SDK1: variants seen among roughly 807,000 people sequenced by gnomAD.
SDK1 encodes the protein sidekick cell adhesion molecule 1.
In SDK1, 157 loss-of-function variants were observed where a neutral mutation model predicts 245.5. That is an observed-to-expected ratio of 0.64 (90% CI 0.56 to 0.73). The LOEUF is 0.73. SDK1 is among the 30% of genes least tolerant of loss of function. The pLI is 0.00. For missense variants in SDK1, 3,583 were observed against 3,002.3 expected, an observed-to-expected ratio of 1.19 and a Z score of -4.52; for synonymous variants, 1,647 against 1,278.5, an observed-to-expected ratio of 1.29 and a Z score of -6.15.
chr7:4,138,033 G>A (rs904924905), intron 28 of SDK1, among the ~76,000 whole-genome samples: 8 of 152,172 alleles, frequency 5.3e-5, no homozygotes, highest in African/African-American at 1.7e-4. Flanking sequence ...GTGGTGTGGC[G>A]ACCAGCTGAT....
intron 1 of SDK1, among the ~76,000 whole-genome samples, chr7:3,438,847 A>ATGTTTT (rs1562486729): frequency 9.1e-6 from 1 of 110,114 alleles, no homozygotes; most frequent in African/African-American, 3.9e-5. Flanking sequence ...CTTTGTATTA[A>ATGTTTT]TATTTTTTTT....
intron 4 of SDK1, among the ~76,000 whole-genome samples, chr7:3,806,655 C>T (rs149068974): frequency 4.5e-4 from 68 of 151,808 alleles, no homozygotes; most frequent in African/African-American, 1.4e-3. Flanking sequence ...AGAAATGTGA[C>T]GAGGACTAAG....
At chr7:3,699,863 A>C (rs1168123493) in intron 4 of SDK1, among the ~76,000 whole-genome samples, 2 of 152,216 alleles carry the variant, frequency 1.3e-5, no homozygotes, top group African/African-American at 4.8e-5. Flanking sequence ...AAGCCGAGAG[A>C]ATCCCAAGAT....
chr7:4,044,960 A>T (rs1562720187), intron 17 of SDK1, among the ~76,000 whole-genome samples: 1 of 152,130 alleles, frequency 6.6e-6, no homozygotes, highest in Non-Finnish European at 1.5e-5. Flanking sequence ...CTTGGCAAGC[A>T]CTGCTGTTTT....
At chr7:3,530,011 G>C (rs1783286134) in intron 1 of SDK1, among the ~76,000 whole-genome samples, 1 of 152,090 alleles carries the variant, frequency 6.6e-6, no homozygotes, top group South Asian at 2.1e-4. Flanking sequence ...CTGTATTTAA[G>C]AGTATTCCTT....
At chr7:4,189,307 T>C (rs1783059073) in intron 35 of SDK1, among the ~76,000 whole-genome samples, 1 of 152,120 alleles carries the variant, frequency 6.6e-6, no homozygotes, top group South Asian at 2.1e-4. Flanking sequence ...TCGTCCCTGC[T>C]CTGCCCACCG....
At chr7:3,698,837 C>G (rs1213132308) in intron 4 of SDK1, among the ~76,000 whole-genome samples, 1 of 152,202 alleles carries the variant, frequency 6.6e-6, no homozygotes, top group Non-Finnish European at 1.5e-5. Flanking sequence ...TCATCTAACC[C>G]TAATTAGTTC....
chr7:3,566,224 C>CTG (rs746105667), intron 1 of SDK1, among the ~76,000 whole-genome samples: 2 of 125,398 alleles, frequency 1.6e-5, no homozygotes, highest in Admixed American at 1.7e-4. Context: ...TAAACTTCTT[C>CTG]TTTTTTTTTT....
At chr7:3,805,357 T>C (rs1322176355) in intron 4 of SDK1, among the ~76,000 whole-genome samples, 1 of 152,250 alleles carries the variant, frequency 6.6e-6, no homozygotes, top group Admixed American at 6.5e-5. Flanking sequence ...CTTTCTGACT[T>C]GAATGCCTTT....
chr7:4,208,175 G>A lies in SDK1; in HGVS notation c.5291G>A (p.Arg1764Lys). The change falls in exon 37 of 45, where the codon AGG becomes AAG. Residue 1764 changes from arginine (R) to lysine (K), a missense_variant. Coordinates refer to ENST00000404826, the MANE Select transcript of SDK1 (RefSeq NM_152744.4). ...KVLFLPEPVV[R>K]LKNLTSHTKY... The stretch of plus-strand genomic sequence containing the variant: ...CTCTTCCTCCCCGAGCCCGTGGTGA[G>A]GCTGAAGAACCTGACCAGCCATACC... 3 of 1,614,082 alleles carry A rather than the reference G, an allele frequency of 1.9e-6. No homozygotes were observed. Among genetic ancestry groups the A allele is most frequent in the East Asian group, 2.2e-5 (1 of 44,872 alleles).
At chr7:3,315,720 A>G (rs1433056816) in intron 1 of SDK1, among the ~76,000 whole-genome samples, 1 of 152,192 alleles carries the variant, frequency 6.6e-6, no homozygotes, top group African/African-American at 2.4e-5. Context: ...TATGAAAGCA[A>G]TTAGAATTAT....
chr7:4,004,938 C>T (rs949032642), intron 14 of SDK1, among the ~76,000 whole-genome samples: 1 of 152,008 alleles, frequency 6.6e-6, no homozygotes, highest in Non-Finnish European at 1.5e-5. Flanking sequence ...TTCTACCTCC[C>T]CGCTTCCTGC....
At chr7:3,671,532 C>G (rs1224205122) in intron 4 of SDK1, among the ~76,000 whole-genome samples, 1 of 152,104 alleles carries the variant, frequency 6.6e-6, no homozygotes, top group East Asian at 1.9e-4. Context: ...CTCAATATAG[C>G]TGAGACAAAT....
intron 22 of SDK1, among the ~76,000 whole-genome samples, chr7:4,090,156 G>A (rs907867046): frequency 6.6e-6 from 1 of 152,148 alleles, no homozygotes; most frequent in African/African-American, 2.4e-5. Flanking sequence ...TTGCTAACTT[G>A]ACTGAGATTT....
intron 1 of SDK1, among the ~76,000 whole-genome samples, chr7:3,602,910 C>A (rs934870701): frequency 1.1e-4 from 16 of 152,024 alleles, no homozygotes; most frequent in African/African-American, 3.9e-4. Context: ...AGCCAGTTTT[C>A]CCAGCACCAT....
chr7:3,318,095 C>G (rs1018556762), intron 1 of SDK1, among the ~76,000 whole-genome samples: 1 of 152,180 alleles, frequency 6.6e-6, no homozygotes, highest in Non-Finnish European at 1.5e-5. Flanking sequence ...CCTTGCAACC[C>G]TTTGACATTA....
At chr7:3,425,083 T>G (rs1055224508) in intron 1 of SDK1, among the ~76,000 whole-genome samples, 4 of 151,000 alleles carry the variant, frequency 2.6e-5, no homozygotes, top group African/African-American at 7.3e-5. Context: ...AGGCCTATGT[T>G]TTTTCAAACT....
At chr7:4,070,313 A>T (rs904809493) in intron 20 of SDK1, among the ~76,000 whole-genome samples, 1 of 152,168 alleles carries the variant, frequency 6.6e-6, no homozygotes, top group Non-Finnish European at 1.5e-5. Context: ...GTTTCCAGGC[A>T]GTACTTGTTT....
intron 4 of SDK1, among the ~76,000 whole-genome samples, chr7:3,814,384 G>C (rs1454630053): frequency 1.3e-5 from 2 of 149,960 alleles, no homozygotes; most frequent in Non-Finnish European, 1.5e-5. Flanking sequence ...TTTCCCCATT[G>C]CTTGTTTTTC....
Sources: allele counts gnomAD v4.1 joint callset (sites outside exome capture counted in the v4.1 genomes callset), GRCh38; gene constraint gnomAD v4.1.1; transcripts MANE v1.5; gene names NCBI Gene and HGNC (gene_info 2026-07-23, HGNC 2026-07-21).